The following TBC1D1 variants were observed in gnomAD, a reference collection of about 807,000 sequenced individuals.
TBC1D1 encodes TBC1 domain family member 1.
Under a neutral mutation model 125.6 loss-of-function variants are expected in TBC1D1, and 89 were observed. That is an observed-to-expected ratio of 0.71 (90% CI 0.60 to 0.85). TBC1D1 has a LOEUF of 0.85. Among genes scored for constraint, TBC1D1 ranks in the 40% least tolerant of loss-of-function variants. The probability of loss-of-function intolerance (pLI) is 0.00; values close to 1 mark genes in which losing one functional copy is unlikely to be tolerated. For synonymous variants in TBC1D1, 565 were observed against 564.1 expected (o/e 1.00, Z -0.02); for missense variants, 1,377 against 1,469.2 (o/e 0.94, Z 1.03).
At chr4:38,097,255 C>T (rs1759507192) in intron 14 of TBC1D1, among the ~76,000 whole-genome samples, 1 of 152,070 alleles carries the variant, frequency 6.6e-6, no homozygotes, top group Non-Finnish European at 1.5e-5. Context: ...CCCTGCCTCC[C>T]AGGTTTAAGC....
intron 17 of TBC1D1, among the ~76,000 whole-genome samples, chr4:38,122,689 G>A (rs1037036647): frequency 1.3e-5 from 2 of 152,186 alleles, no homozygotes; most frequent in African/African-American, 4.8e-5. Context: ...GCCTAATACA[G>A]TGCCTGATGT....
Position 38,018,399 on chromosome 4 carries a change from A to T in TBC1D1, c.928A>T (p.Ile310Leu), listed in dbSNP as rs547218387. Residue 310 changes from isoleucine to leucine, a missense_variant, in exon 4 of 20, where the codon ATA (isoleucine) becomes TTA (leucine). Physicochemically the swap from Ile to Leu is conservative, Grantham distance 5. Transcript: ENST00000261439. ...CCTCATCAGTCCTGACACCAAAAAA[A>T]TAGCATTGGAGAAAAATTTTAAGGA... 2 of 1,612,634 alleles carry T rather than the reference A, an allele frequency of 1.2e-6. No individual in the cohort carries two copies. Among genetic ancestry groups the T allele is most frequent in the Admixed American group, 1.7e-5 (1 of 59,676 alleles).
intron 3 of TBC1D1, among the ~76,000 whole-genome samples, chr4:38,017,861 A>G (rs1743103326): frequency 6.6e-6 from 1 of 152,226 alleles, no homozygotes; most frequent in Admixed American, 6.5e-5. Flanking sequence ...GCATGTCCCA[A>G]GGCAGTAAGA....
At chr4:37,920,311 G>GA (rs907808960) in intron 2 of TBC1D1, among the ~76,000 whole-genome samples, 1 of 152,176 alleles carries the variant, frequency 6.6e-6, no homozygotes, top group Non-Finnish European at 1.5e-5. Flanking sequence ...TAGTAAGGTA[G>GA]AGTTCTGTGC....
At chr4:38,009,343 A>G (rs1740996501) in intron 2 of TBC1D1, among the ~76,000 whole-genome samples, 1 of 152,240 alleles carries the variant, frequency 6.6e-6, no homozygotes, top group African/African-American at 2.4e-5. Context: ...TTACCATCAT[A>G]TAACGGGAAA....
At chr4:37,921,849 C>A (rs942554242) in intron 2 of TBC1D1, among the ~76,000 whole-genome samples, 1 of 151,762 alleles carries the variant, frequency 6.6e-6, no homozygotes, top group Admixed American at 6.6e-5. Flanking sequence ...GATCTTCTTG[C>A]CTTAGCCTCC....
intron 1 of TBC1D1, among the ~76,000 whole-genome samples, chr4:37,893,718 TG>T (rs1480993808): frequency 6.6e-6 from 1 of 152,126 alleles, no homozygotes; most frequent in East Asian, 1.9e-4. Context: ...CCCAGCTATT[TG>T]GGAGGCTGAG....
intron 18 of TBC1D1, 25 bp from the exon 21 acceptor site, chr4:38,133,059 G>A (rs768363318): frequency 1.4e-5 from 23 of 1,598,776 alleles, no homozygotes; most frequent in South Asian, 1.4e-4. Flanking sequence ...GTTTTAGTAC[G>A]TGATGACTTT....
At chr4:37,913,380 C>T (rs951851220) in intron 2 of TBC1D1, among the ~76,000 whole-genome samples, 1 of 152,104 alleles carries the variant, frequency 6.6e-6, no homozygotes, top group South Asian at 2.1e-4. Flanking sequence ...GAGTGGATCA[C>T]CTGAGGTCGG....
chr4:38,056,449 T>G (rs1478592789), intron 12 of TBC1D1, among the ~76,000 whole-genome samples: 1 of 152,232 alleles, frequency 6.6e-6, no homozygotes, highest in African/African-American at 2.4e-5. Context: ...TTTAAGTGAT[T>G]AACTCAAACA....
intron 15 of TBC1D1, among the ~76,000 whole-genome samples, chr4:38,103,883 G>A (rs1256946350): frequency 6.6e-6 from 1 of 152,146 alleles, no homozygotes; most frequent in Non-Finnish European, 1.5e-5. Flanking sequence ...GATGTGGCCG[G>A]GCACAGTGGC....
intron 2 of TBC1D1, among the ~76,000 whole-genome samples, chr4:37,939,063 A>T (rs1274988563): frequency 6.6e-6 from 1 of 152,202 alleles, no homozygotes; most frequent in African/African-American, 2.4e-5. Flanking sequence ...GCTGGGTCAA[A>T]TGGTATTTCT....
chr4:38,066,418 G>A (rs1012308901), intron 12 of TBC1D1, among the ~76,000 whole-genome samples: 1 of 151,914 alleles, frequency 6.6e-6, no homozygotes, highest in Non-Finnish European at 1.5e-5. Context: ...CTGCAGCCTC[G>A]ACCTCTTGGG....
intron 2 of TBC1D1, among the ~76,000 whole-genome samples, chr4:37,983,141 T>TTC (rs1290047773): frequency 2.4e-5 from 3 of 122,678 alleles, no homozygotes; most frequent in Admixed American, 8.9e-5. Flanking sequence ...TTTTTTTTTT[T>TTC]CAGACGGAGT....
At chr4:38,093,912 G>A (rs1404390658) in intron 13 of TBC1D1, among the ~76,000 whole-genome samples, 1 of 152,046 alleles carries the variant, frequency 6.6e-6, no homozygotes, top group Admixed American at 6.6e-5. Flanking sequence ...GCCGTGGCTT[G>A]GTGTTGACAT....
chr4:37,986,424 A>G (rs1211438716), intron 2 of TBC1D1, among the ~76,000 whole-genome samples: 1 of 152,176 alleles, frequency 6.6e-6, no homozygotes, highest in Non-Finnish European at 1.5e-5. Flanking sequence ...CAAACAATAT[A>G]TTGTATTTCA....
intron 12 of TBC1D1, among the ~76,000 whole-genome samples, chr4:38,057,502 C>T (rs1751943204): frequency 6.6e-6 from 1 of 152,198 alleles, no homozygotes; most frequent in South Asian, 2.1e-4. Flanking sequence ...AGTGATTTCT[C>T]AACTCCCTCC....
At chr4:37,998,708 C>T (rs1002386802) in intron 2 of TBC1D1, among the ~76,000 whole-genome samples, 2 of 152,268 alleles carry the variant, frequency 1.3e-5, no homozygotes, top group Non-Finnish European at 2.9e-5. Context: ...TTCTGTAAAA[C>T]GGGAATGAGG....
intron 12 of TBC1D1, among the ~76,000 whole-genome samples, chr4:38,056,578 G>T (rs1751749765): frequency 6.6e-6 from 1 of 152,194 alleles, no homozygotes; most frequent in African/African-American, 2.4e-5. Context: ...GGAGGCCAAG[G>T]CAGGAGGATC....
Sources: gnomAD v4.1 joint callset for allele counts (sites outside exome capture counted in the v4.1 genomes callset) on GRCh38, gnomAD v4.1.1 for gene constraint, MANE v1.5 for transcripts, NCBI Gene and HGNC (gene_info 2026-07-23, HGNC 2026-07-21) for gene names.